CHRM5: variants seen among roughly 807,000 people sequenced by gnomAD.
CHRM5 encodes the protein cholinergic receptor muscarinic 5.
In CHRM5, 18 loss-of-function variants were observed where a neutral mutation model predicts 39.0. The ratio of observed to expected loss-of-function variants is 0.46; its 90% confidence interval spans 0.32 to 0.68. The LOEUF is 0.68. CHRM5 is among the 30% of genes least tolerant of loss of function. The pLI is 0.04. For missense variants in CHRM5, 515 were observed against 651.1 expected (o/e 0.79, Z 2.28); for synonymous variants, 241 against 246.3 (o/e 0.98, Z 0.20).
At chr15:34,022,357 C>T (rs1898238274) in intron 1 of CHRM5, among the ~76,000 whole-genome samples, 1 of 152,204 alleles carries the variant, frequency 6.6e-6, no homozygotes, top group Admixed American at 6.5e-5. Context: ...TTCTGCAGCT[C>T]TTTTCAATTG....
intron 1 of CHRM5, among the ~76,000 whole-genome samples, chr15:34,006,591 A>C (rs957742419): frequency 2.0e-5 from 3 of 152,254 alleles, no homozygotes; most frequent in Non-Finnish European, 4.4e-5. Flanking sequence ...CAGTGAAACA[A>C]GCACTGAAAT....
In CHRM5 at chr15:34,063,761, A is replaced by T. The variant is rs1383585565; in HGVS notation, c.1044A>T (p.Lys348Asn). Reference sequence around the variant, plus strand: ...AAGAGACTGAGGAAACTTTTGTGAAAGCTGAAACTGAAAAAAGTGACTATG... The same window carrying T: ...AAGAGACTGAGGAAACTTTTGTGAATGCTGAAACTGAAAAAAGTGACTATG... Reference protein sequence around the residue: ...SAEETEETFVKAETEKSDYDT... With the variant: ...SAEETEETFVNAETEKSDYDT... The change falls in exon 3 of 3, where the codon AAA (lysine) becomes AAT (asparagine). Residue 348 changes from lysine (K) to asparagine (N), a missense_variant. Transcript: ENST00000383263. This position sits in a 1 kb window ranked among gnomAD's most constrained non-coding sequence, Gnocchi z 4.1. 1 of 1,614,244 alleles carries T rather than the reference A, an allele frequency of 6.2e-7. No homozygotes were observed. The highest frequency in any genetic ancestry group is 2.2e-5 in the East Asian group (1 of 44,882).
At chr15:34,061,985 G>A (rs181778330) in intron 2 of CHRM5, among the ~76,000 whole-genome samples, 7 of 152,268 alleles carry the variant, frequency 4.6e-5, no homozygotes, top group Admixed American at 3.9e-4. Flanking sequence ...CAGCCCTTAT[G>A]ATCATTGCAA....
At chr15:34,010,202 T>C (rs941860761) in intron 1 of CHRM5, among the ~76,000 whole-genome samples, 48 of 152,338 alleles carry the variant, frequency 3.2e-4, no homozygotes, top group African/African-American at 1.2e-3. Context: ...CCATCCTATT[T>C]AACTTACAAT....
chr15:33,974,149 A>AATTTC (rs1333840977), intron 1 of CHRM5, among the ~76,000 whole-genome samples: 3 of 152,192 alleles, frequency 2.0e-5, no homozygotes, highest in African/African-American at 7.2e-5. Flanking sequence ...CTAGATCTAG[A>AATTTC]ATTTCATCGA....
chr15:34,034,488 A>G (rs1899026135), intron 1 of CHRM5, among the ~76,000 whole-genome samples: 1 of 151,992 alleles, frequency 6.6e-6, no homozygotes, highest in African/African-American at 2.4e-5. Context: ...ATTTATAAAA[A>G]TTGTGTTTTT....
chr15:34,053,091 G>C (rs1421664072), intron 2 of CHRM5, among the ~76,000 whole-genome samples: 2 of 151,758 alleles, frequency 1.3e-5, no homozygotes, highest in Non-Finnish European at 2.9e-5. Context: ...CTTGAGATCA[G>C]GAATTTGAGA....
chr15:34,020,891 C>A (rs1898172317), intron 1 of CHRM5, among the ~76,000 whole-genome samples: 1 of 152,218 alleles, frequency 6.6e-6, no homozygotes, highest in African/African-American at 2.4e-5. Flanking sequence ...AATGGACCTA[C>A]CAAAATTCTC....
At chr15:34,002,940 G>A in intron 1 of CHRM5, 2 of 1,136,544 alleles carry the variant, frequency 1.8e-6, no homozygotes, top group Non-Finnish European at 2.5e-6. Context: ...AGGATAAATT[G>A]CTAGTTATAA....
At chr15:33,984,293 A>G (rs1465535768) in intron 1 of CHRM5, among the ~76,000 whole-genome samples, 1 of 152,130 alleles carries the variant, frequency 6.6e-6, no homozygotes, top group East Asian at 1.9e-4. Context: ...GAAAATAAAA[A>G]GTTTACAAAA....
At chr15:34,033,028 C>A (rs760033976) in intron 1 of CHRM5, among the ~76,000 whole-genome samples, 1 of 152,170 alleles carries the variant, frequency 6.6e-6, no homozygotes, top group Non-Finnish European at 1.5e-5. Flanking sequence ...AAAACTCCAA[C>A]ATTCCCATCT....
At chr15:33,993,376 AC>A (rs904709668) in intron 1 of CHRM5, among the ~76,000 whole-genome samples, 1 of 152,296 alleles carries the variant, frequency 6.6e-6, no homozygotes. Flanking sequence ...AAAAAGTATG[AC>A]TTTGAACAAC....
intron 1 of CHRM5, among the ~76,000 whole-genome samples, chr15:34,013,599 G>A (rs184669750): frequency 6.5e-4 from 99 of 152,292 alleles, no homozygotes; most frequent in African/African-American, 2.3e-3. Flanking sequence ...GGAATACAAA[G>A]ACCAATAAGC....
intron 1 of CHRM5, among the ~76,000 whole-genome samples, chr15:34,029,568 T>C (rs1258837317): frequency 2.0e-5 from 3 of 150,476 alleles, no homozygotes; most frequent in Non-Finnish European, 3.0e-5. Flanking sequence ...TTTAAAACTT[T>C]AGGAGTTGTT....
At chr15:34,053,727 T>C (rs1041761220) in intron 2 of CHRM5, among the ~76,000 whole-genome samples, 5 of 152,084 alleles carry the variant, frequency 3.3e-5, no homozygotes. Flanking sequence ...ATAAAAACTC[T>C]AGAAGAAAAG....
chr15:34,019,019 C>T (rs1347000953), intron 1 of CHRM5, among the ~76,000 whole-genome samples: 1 of 151,846 alleles, frequency 6.6e-6, no homozygotes, highest in Non-Finnish European at 1.5e-5. Flanking sequence ...TCTAACTAGA[C>T]ACAGAGCGCT....
chr15:33,973,640 G>A (rs949227970), intron 1 of CHRM5, among the ~76,000 whole-genome samples: 1 of 152,038 alleles, frequency 6.6e-6, no homozygotes, highest in Non-Finnish European at 1.5e-5. Context: ...CCAGGAGTTC[G>A]AGACCCACCT....
chr15:34,027,894 A>G (rs1251344578), intron 1 of CHRM5, among the ~76,000 whole-genome samples: 1 of 152,100 alleles, frequency 6.6e-6, no homozygotes, highest in East Asian at 1.9e-4. Context: ...TCAAGAGGGC[A>G]TTGTAGAACG....
intron 1 of CHRM5, among the ~76,000 whole-genome samples, chr15:33,980,621 G>GCACC (rs57322370): frequency 0.87 from 131,567 of 151,874 alleles, 59,500 homozygotes; most frequent in East Asian, 1. Flanking sequence ...AGGTAGTCAT[G>GCACC]CACATAAGAA....
Sources: allele counts gnomAD v4.1 joint callset (sites outside exome capture counted in the v4.1 genomes callset), GRCh38; gene constraint gnomAD v4.1.1; non-coding constraint Gnocchi (gnomAD v3.1); transcripts MANE v1.5; gene names NCBI Gene and HGNC (gene_info 2026-07-23, HGNC 2026-07-21).